STPG2: variants seen among roughly 807,000 people sequenced by gnomAD.
STPG2 encodes the protein sperm-tail PG-rich repeat-containing protein 2.
Under a neutral mutation model 54.2 loss-of-function variants are expected in STPG2, and 56 were observed. The ratio of observed to expected loss-of-function variants is 1.03; its 90% confidence interval spans 0.83 to 1.29. The LOEUF (loss-of-function observed/expected upper bound fraction) is 1.29. Ranked by LOEUF, STPG2 falls within the 50% of genes most tolerant of loss-of-function variation. The pLI is 0.00. For synonymous variants in STPG2, 200 were observed against 181.8 expected (o/e 1.10, Z -0.81); for missense variants, 596 against 544.9 (o/e 1.09, Z -0.93).
intron 5 of STPG2, among the ~76,000 whole-genome samples, chr4:98,050,777 G>A (rs971260680): frequency 2.0e-5 from 3 of 151,940 alleles, no homozygotes; most frequent in Admixed American, 6.6e-5. Context: ...AGGTTGAGGC[G>A]GGTGGATCAT....
chr4:97,820,321 C>G (rs972661275), intron 9 of STPG2, among the ~76,000 whole-genome samples: 1 of 152,068 alleles, frequency 6.6e-6, no homozygotes, highest in African/African-American at 2.4e-5. Context: ...TAAGACATAA[C>G]AGTGCTGAAA....
intron 10 of STPG2, among the ~76,000 whole-genome samples, chr4:97,673,872 CATTTT>C (rs1435455738): frequency 6.6e-6 from 1 of 152,078 alleles, no homozygotes; most frequent in Non-Finnish European, 1.5e-5. Flanking sequence ...TGAAATTTCT[CATTTT>C]ATGTTTTAAA....
chr4:97,442,045 A>T (rs903905846), intron 4 of STPG2, among the ~76,000 whole-genome samples: 1 of 151,962 alleles, frequency 6.6e-6, no homozygotes, highest in Non-Finnish European at 1.5e-5. Context: ...TCTTAGCAGA[A>T]ATACCTTTTT....
chr4:97,920,122 C>T (rs971049310), intron 8 of STPG2, among the ~76,000 whole-genome samples: 2 of 152,140 alleles, frequency 1.3e-5, no homozygotes, highest in African/African-American at 4.8e-5. Flanking sequence ...AATTGAGAGA[C>T]AAAACACTGA....
intron 9 of STPG2, among the ~76,000 whole-genome samples, chr4:97,770,797 A>C (rs1726194522): frequency 6.6e-6 from 1 of 152,246 alleles, no homozygotes; most frequent in Non-Finnish European, 1.5e-5. Flanking sequence ...TGAAGAATGG[A>C]ATTGTCGCTA....
chr4:97,853,179 C>A (rs545252391), intron 8 of STPG2, among the ~76,000 whole-genome samples: 1 of 151,610 alleles, frequency 6.6e-6, no homozygotes, highest in East Asian at 2.0e-4. Flanking sequence ...GGGGTTTCAC[C>A]GTGGTCTAGA....
chr4:97,929,356 T>G (rs1010599964), intron 8 of STPG2, among the ~76,000 whole-genome samples: 1 of 152,226 alleles, frequency 6.6e-6, no homozygotes, highest in East Asian at 1.9e-4. Context: ...TGTGTCTTTA[T>G]GGTAGAACAA....
At chr4:97,483,365 A>G (rs1438955304) in intron 4 of STPG2, among the ~76,000 whole-genome samples, 1 of 151,814 alleles carries the variant, frequency 6.6e-6, no homozygotes, top group African/African-American at 2.4e-5. Context: ...AACTTAAAGT[A>G]AAGGGGTAGA....
intron 5 of STPG2, among the ~76,000 whole-genome samples, chr4:98,042,406 G>A (rs924332725): frequency 6.6e-6 from 1 of 151,396 alleles, no homozygotes; most frequent in Non-Finnish European, 1.5e-5. Flanking sequence ...GACTCATAAG[G>A]TGTAACAGTA....
intron 4 of STPG2, among the ~76,000 whole-genome samples, chr4:97,533,379 A>G (rs185259184): frequency 9.2e-5 from 14 of 152,252 alleles, no homozygotes; most frequent in Admixed American, 9.2e-4. Flanking sequence ...TTTAAAATTT[A>G]TCAAATTACA....
In STPG2 at chr4:97,868,235, A is replaced by G. The variant is rs1160050005; in HGVS notation, c.1045-27303T>C. 3.3e-5 allele frequency among the ~76,000 whole-genome samples: 5 copies of G among 151,942 alleles called. No homozygotes were observed. In the East Asian group the frequency reaches 9.7e-4, roughly 29 times the overall value. ...TAGTTTTTATCTGATTCTTCTATCT[A>G]TCTCTGCTATTTACTGTACCATCTG... On this transcript the variant is annotated intron_variant, in intron 8 of 10. Coordinates refer to ENST00000295268, the MANE Select transcript of STPG2 (RefSeq NM_174952.3).
chr4:97,648,134 G>C (rs1300632239), intron 10 of STPG2, among the ~76,000 whole-genome samples: 1 of 152,120 alleles, frequency 6.6e-6, no homozygotes, highest in Non-Finnish European at 1.5e-5. Flanking sequence ...GGGTGGCAAA[G>C]GCCCTGGAGT....
In STPG2 at chr4:98,035,752, A is replaced by G. The variant is rs554034010; in HGVS notation, c.613-54434T>C. Among the ~76,000 whole-genome samples, 4 of 152,366 alleles carry G rather than the reference A, an allele frequency of 2.6e-5. No homozygotes were observed. In the South Asian group the frequency reaches 8.3e-4, roughly 32 times the overall value. On this transcript the variant is annotated intron_variant, in intron 5 of 10. Coordinates refer to ENST00000295268, the MANE Select transcript of STPG2 (RefSeq NM_174952.3). ...AAAATGTGGCACATATACACCATGG[A>G]ATACTATGCAGCCATAAAAAAGGAT...
Position 97,909,523 on chromosome 4 carries a change from C to T in STPG2, c.1044+34374G>A, listed in dbSNP as rs1482097595. On this transcript the variant is annotated intron_variant, in intron 8 of 10. Transcript: ENST00000295268. The stretch of plus-strand genomic sequence containing the variant: ...AATTACTAAAAAGGAAATTACAGAC[C>T]AATGCATCCCACAAAAATAGAAACA... Among the ~76,000 whole-genome samples the T allele has an allele frequency of 2.0e-5, 3 of 152,074 alleles. No homozygotes were observed. The South Asian group carries it at 6.2e-4, about 32-fold the overall frequency.
chr4:97,630,890 T>C (rs540677779), intron 10 of STPG2, among the ~76,000 whole-genome samples: 1 of 151,954 alleles, frequency 6.6e-6, no homozygotes, highest in African/African-American at 2.4e-5. Context: ...ATGATTCATA[T>C]GAAAAATAAA....
chr4:97,584,732 G>A (rs1479240694), intron 10 of STPG2, among the ~76,000 whole-genome samples: 3 of 151,582 alleles, frequency 2.0e-5, no homozygotes, highest in Admixed American at 6.6e-5. Context: ...GATCATTCAA[G>A]GCTACTATGA....
At chr4:97,551,853 G>C (rs1578382241) in intron 4 of STPG2, among the ~76,000 whole-genome samples, 1 of 152,266 alleles carries the variant, frequency 6.6e-6, no homozygotes, top group East Asian at 1.9e-4. Context: ...ACCTAGGACT[G>C]GGGGGTGTCT....
At chr4:97,801,111 T>C (rs1205841268) in intron 9 of STPG2, among the ~76,000 whole-genome samples, 1 of 152,194 alleles carries the variant, frequency 6.6e-6, no homozygotes, top group African/African-American at 2.4e-5. Context: ...AAGGGAATTC[T>C]CTGACCCCTT....
intron 7 of STPG2, among the ~76,000 whole-genome samples, chr4:97,966,260 A>G (rs1734093342): frequency 6.6e-6 from 1 of 151,950 alleles, no homozygotes; most frequent in South Asian, 2.1e-4. Flanking sequence ...AGCTGATTCA[A>G]TCAAAAGGGT....
Sources: gnomAD v4.1 joint callset for allele counts (sites outside exome capture counted in the v4.1 genomes callset) on GRCh38, gnomAD v4.1.1 for gene constraint, MANE v1.5 for transcripts, NCBI Gene and HGNC (gene_info 2026-07-23, HGNC 2026-07-21) for gene names.